SCAI: variants seen among roughly 807,000 people sequenced by gnomAD.
SCAI encodes protein SCAI.
A neutral mutation model predicts 92.2 loss-of-function variants in SCAI; 24 were observed. That is an observed-to-expected ratio of 0.26 (90% confidence interval 0.19 to 0.37). The LOEUF is 0.37. Among genes scored for constraint, SCAI ranks in the 10% least tolerant of loss-of-function variants. SCAI has a pLI of 1.00. For missense variants in SCAI, 450 were observed against 736.2 expected (o/e 0.61, Z 4.50); for synonymous variants, 261 against 258.6 (o/e 1.01, Z -0.09).
intron 2 of SCAI, among the ~76,000 whole-genome samples, chr9:125,114,148 A>C (rs2131237041): frequency 6.6e-6 from 1 of 152,340 alleles, no homozygotes; most frequent in Non-Finnish European, 1.5e-5. Flanking sequence ...GTCGGATACT[A>C]TGCAAACTAC....
intron 2 of SCAI, among the ~76,000 whole-genome samples, chr9:125,135,838 G>A (rs527320205): frequency 1.3e-5 from 2 of 151,066 alleles, no homozygotes; most frequent in Non-Finnish European, 3.0e-5. Context: ...GTGTGGTGGC[G>A]CATGTCTGTA....
In SCAI at chr9:124,947,109, G is replaced by T. The variant is rs1831156765; in HGVS notation, c.*5698C>A. On this transcript the variant is annotated 3_prime_UTR_variant, in exon 18 of 18. Transcript: ENST00000336505. ...TTCCAAAATCAAAATTCAGTATGAGGCATAAAAATGACAACTGGGAATATA... is the reference window on the plus strand; with the variant it reads ...TTCCAAAATCAAAATTCAGTATGAGTCATAAAAATGACAACTGGGAATATA... 1 of 152,114 alleles carries T rather than the reference G, an allele frequency of 6.6e-6. No homozygotes were observed. The highest frequency in any genetic ancestry group is 2.4e-5 in the African/African-American group (1 of 41,414). The allele number at this position is 152,114 out of a possible 1,614,324, so 9.4% of individuals were successfully genotyped here.
chr9:125,010,598 G>A (rs1259772496), intron 9 of SCAI, among the ~76,000 whole-genome samples: 2 of 152,200 alleles, frequency 1.3e-5, no homozygotes, highest in Admixed American at 6.5e-5. Context: ...CCACCTCTGG[G>A]GGCAGGGCAC....
chr9:124,978,892 G>A (rs1427982961), intron 14 of SCAI, among the ~76,000 whole-genome samples: 1 of 151,396 alleles, frequency 6.6e-6, no homozygotes, highest in Non-Finnish European at 1.5e-5. Flanking sequence ...AAACAGTTTC[G>A]CTCTGTCGCC....
intron 9 of SCAI, among the ~76,000 whole-genome samples, chr9:125,012,063 G>A (rs574612550): frequency 2.9e-4 from 44 of 152,246 alleles, no homozygotes; most frequent in Non-Finnish European, 4.4e-4. Context: ...ACCGGTACTA[G>A]CCACTGCAAA....
intron 3 of SCAI, among the ~76,000 whole-genome samples, chr9:125,034,223 G>A (rs1012362131): frequency 6.6e-5 from 10 of 152,152 alleles, no homozygotes; most frequent in African/African-American, 2.4e-4. Context: ...CTTTCCATTG[G>A]TGTAGCCCAG....
At chr9:125,135,744 C>T (rs974997168) in intron 2 of SCAI, among the ~76,000 whole-genome samples, 2 of 152,046 alleles carry the variant, frequency 1.3e-5, no homozygotes, top group Non-Finnish European at 1.5e-5. Context: ...CCAAGGCGGA[C>T]GGATCACCGG....
intron 2 of SCAI, among the ~76,000 whole-genome samples, chr9:125,095,918 T>C (rs982092187): frequency 5.9e-5 from 9 of 152,142 alleles, no homozygotes; most frequent in African/African-American, 2.2e-4. Context: ...CCCCAATCTT[T>C]TTAAAATCTC....
intron 17 of SCAI, among the ~76,000 whole-genome samples, chr9:124,956,756 G>C (rs75711685): frequency 0.011 from 1,724 of 152,202 alleles, 88 homozygotes; most frequent in Admixed American, 0.083. Flanking sequence ...TCAGGAAGAA[G>C]GCAAGGATGT....
intron 2 of SCAI, among the ~76,000 whole-genome samples, chr9:125,089,941 T>C (rs974739144): frequency 2.0e-5 from 3 of 152,176 alleles, no homozygotes; most frequent in African/African-American, 7.2e-5. Flanking sequence ...GATATGTAAA[T>C]GACTACAATA....
chr9:125,117,640 T>C (rs1352644683), intron 2 of SCAI, among the ~76,000 whole-genome samples: 1 of 114,968 alleles, frequency 8.7e-6, no homozygotes, highest in Admixed American at 1.4e-4. Flanking sequence ...CACTCCAGTC[T>C]GGGCGACAGA....
rs1831233249 is a variant in SCAI, at chr9:124,951,355, A to G, written c.*1452T>C. On this transcript the variant is annotated 3_prime_UTR_variant, in exon 18 of 18. Transcript: ENST00000336505. ...CCCCGTCTCTACTAAAAATACAAAA[A>G]TTAGCCAGGCATGGTGGCGGGCACC... 6.6e-6 allele frequency: 1 copy of G among 151,876 alleles called. No individual in the cohort carries two copies. 9.4% of individuals were successfully genotyped at this position (151,876 alleles called of 1,614,324 possible).
chr9:125,074,876 T>G (rs1834056142), intron 2 of SCAI, among the ~76,000 whole-genome samples: 1 of 151,794 alleles, frequency 6.6e-6, no homozygotes, highest in Non-Finnish European at 1.5e-5. Context: ...TGGTGGTGCA[T>G]GCCTGTAATC....
chr9:125,000,624 GAATAA>G (rs748500091), intron 12 of SCAI, among the ~76,000 whole-genome samples: 157 of 148,376 alleles, frequency 1.1e-3, no homozygotes, highest in Non-Finnish European at 2.0e-3. Context: ...AGAAGTTGCA[GAATAA>G]AATAAGCTTT....
In SCAI at chr9:125,020,744, G is replaced by A. The variant is rs932023288; in HGVS notation, c.538C>T (p.Arg180Ter). The A allele has an allele frequency of 1.3e-6, 2 of 1,504,260 alleles. No individual in the cohort carries two copies. Among genetic ancestry groups the A allele is most frequent in the Admixed American group, 1.9e-5 (1 of 51,420 alleles). 93.2% of individuals were successfully genotyped at this position (1,504,260 alleles called of 1,614,324 possible). ...ACTACTATAAATCTTGCATAATATC[G>A]TAACTTCTTAACTACCAATTCAGGT... The part of the protein sequence containing the change: ...DRPELVVKKL[R>*]YYARFIVVCL... The change falls in exon 7 of 18, where the codon CGA becomes TGA. Residue 180 changes from arginine to a stop codon, truncating the protein, a stop_gained. Transcript: ENST00000336505. LOFTEE classifies it high-confidence loss of function.
At chr9:125,120,383 T>A (rs1433948747) in intron 2 of SCAI, among the ~76,000 whole-genome samples, 1 of 151,780 alleles carries the variant, frequency 6.6e-6, no homozygotes, top group Non-Finnish European at 1.5e-5. Flanking sequence ...ATCCTCAGAG[T>A]CAAATGATAA....
chr9:125,128,722 C>A (rs1264619739), intron 2 of SCAI, among the ~76,000 whole-genome samples: 2 of 149,806 alleles, frequency 1.3e-5, no homozygotes, highest in African/African-American at 2.5e-5. Flanking sequence ...CACTGCACTC[C>A]AGCCTGGGCG....
At chr9:124,959,439 C>T (rs1315491863) in intron 17 of SCAI, among the ~76,000 whole-genome samples, 1 of 148,792 alleles carries the variant, frequency 6.7e-6, no homozygotes, top group Admixed American at 6.7e-5. Flanking sequence ...GGTACAACCA[C>T]TTTGAGATAA....
chr9:125,113,663 ATTT>A (rs36106766), intron 2 of SCAI, among the ~76,000 whole-genome samples: 5 of 135,284 alleles, frequency 3.7e-5, no homozygotes, highest in Admixed American at 7.7e-5. Flanking sequence ...AAGTATAAAG[ATTT>A]TTTTTTTTTT....
Sources: allele counts gnomAD v4.1 joint callset (sites outside exome capture counted in the v4.1 genomes callset), GRCh38; gene constraint gnomAD v4.1.1; transcripts MANE v1.5; gene names NCBI Gene and HGNC (gene_info 2026-07-23, HGNC 2026-07-21).